The following AGBL4 variants were observed in gnomAD, a reference collection of about 807,000 sequenced individuals.
AGBL4 encodes the protein AGBL carboxypeptidase 4, also known as cytosolic carboxypeptidase 6.
Under a neutral mutation model 66.4 loss-of-function variants are expected in AGBL4, and 58 were observed. The observed-to-expected ratio is 0.87, with a 90% CI of 0.71 to 1.09. AGBL4 has a LOEUF of 1.09. Ranked by LOEUF, AGBL4 falls within the 50% of genes least tolerant of loss-of-function variation. The pLI, the probability that AGBL4 is intolerant of heterozygous loss-of-function variation, is 0.00. For missense variants in AGBL4, 579 were observed against 631.0 expected (o/e 0.92, Z 0.88); for synonymous variants, 234 against 222.9 (o/e 1.05, Z -0.44).
At chr1:48,892,154 T>C (rs1402470846) in intron 5 of AGBL4, among the ~76,000 whole-genome samples, 1 of 152,164 alleles carries the variant, frequency 6.6e-6, no homozygotes, top group Non-Finnish European at 1.5e-5. Context: ...TGGTGGTTGC[T>C]GGCAGTCTTT....
chr1:49,632,699 G>C (rs888526763), intron 3 of AGBL4, among the ~76,000 whole-genome samples: 3 of 152,202 alleles, frequency 2.0e-5, no homozygotes, highest in Admixed American at 6.5e-5. Context: ...TCTGCCACTG[G>C]TCCACATAAA....
intron 5 of AGBL4, among the ~76,000 whole-genome samples, chr1:49,033,483 G>T (rs530075822): frequency 9.2e-5 from 14 of 152,238 alleles, no homozygotes; most frequent in African/African-American, 3.4e-4. Flanking sequence ...AAGAACAGAA[G>T]GAGACTAGCT....
chr1:48,680,444 C>A (rs903181421), intron 6 of AGBL4, among the ~76,000 whole-genome samples: 2 of 151,728 alleles, frequency 1.3e-5, no homozygotes, highest in Non-Finnish European at 2.9e-5. Flanking sequence ...CAATCCCAGG[C>A]GATCAGAAAA....
intron 6 of AGBL4, among the ~76,000 whole-genome samples, chr1:48,693,803 C>T (rs113489254): frequency 2.0e-5 from 3 of 152,146 alleles, no homozygotes; most frequent in African/African-American, 4.8e-5. Context: ...GACAGCCTTC[C>T]GTGACTGCAG....
At chr1:48,653,587 G>A (rs1645969118) in intron 7 of AGBL4, 136 bp from the exon 8 acceptor site, 1 of 634,822 alleles carries the variant, frequency 1.6e-6, no homozygotes, top group Non-Finnish European at 2.8e-6. Flanking sequence ...GTGGGTGTGT[G>A]GTTATAGACT....
At chr1:48,603,834 G>A (rs542571065) in intron 9 of AGBL4, among the ~76,000 whole-genome samples, 14 of 151,634 alleles carry the variant, frequency 9.2e-5, no homozygotes, top group East Asian at 6.3e-4. Flanking sequence ...GACTGAGCGC[G>A]GTAGCTCATG....
chr1:49,657,891 A>C (rs978422520), intron 3 of AGBL4, among the ~76,000 whole-genome samples: 1 of 152,204 alleles, frequency 6.6e-6, no homozygotes. Context: ...TTAGACCTCA[A>C]ACCATGAAAA....
At chr1:49,820,333 G>C (rs1194204896) in intron 2 of AGBL4, among the ~76,000 whole-genome samples, 5 of 152,180 alleles carry the variant, frequency 3.3e-5, no homozygotes, top group Admixed American at 1.3e-4. Flanking sequence ...CCACACCCTA[G>C]CCCAAAGTCC....
intron 5 of AGBL4, among the ~76,000 whole-genome samples, chr1:48,896,081 C>T (rs1333973182): frequency 2.0e-5 from 3 of 152,112 alleles, no homozygotes; most frequent in Non-Finnish European, 4.4e-5. Flanking sequence ...GTGACACTCA[C>T]ATAATAAAAA....
chr1:49,655,914 C>G (rs140154405), intron 3 of AGBL4, among the ~76,000 whole-genome samples: 3 of 151,970 alleles, frequency 2.0e-5, no homozygotes, highest in Non-Finnish European at 4.4e-5. Flanking sequence ...TTTGGGAGGC[C>G]GAGGTGGGCA....
At chr1:49,981,993 G>A (rs1352701336) in intron 1 of AGBL4, among the ~76,000 whole-genome samples, 1 of 152,212 alleles carries the variant, frequency 6.6e-6, no homozygotes, top group Non-Finnish European at 1.5e-5. Flanking sequence ...AACTCTTGAT[G>A]TCAAAGATAC....
At chr1:50,007,892 C>T (rs1183117046) in intron 1 of AGBL4, among the ~76,000 whole-genome samples, 1 of 151,916 alleles carries the variant, frequency 6.6e-6, no homozygotes, top group African/African-American at 2.4e-5. Flanking sequence ...ATTTGTATCA[C>T]ACAAAAGAAA....
intron 3 of AGBL4, among the ~76,000 whole-genome samples, chr1:49,387,803 G>A (rs1447045188): frequency 4.0e-5 from 6 of 151,806 alleles, no homozygotes; most frequent in Admixed American, 2.6e-4. Flanking sequence ...TCTTCAGATC[G>A]TTAATGCTTT....
chr1:49,893,670 C>T (rs562226512), intron 1 of AGBL4, among the ~76,000 whole-genome samples: 1 of 152,196 alleles, frequency 6.6e-6, no homozygotes, highest in Non-Finnish European at 1.5e-5. Flanking sequence ...GGGAAGGACT[C>T]TGTCTCATGG....
At chr1:49,265,779 GAT>G (rs774937248) in intron 3 of AGBL4, among the ~76,000 whole-genome samples, 4 of 152,012 alleles carry the variant, frequency 2.6e-5, no homozygotes, top group South Asian at 2.1e-4. Context: ...ACAATTTATA[GAT>G]ATGTTTCCTA....
intron 3 of AGBL4, among the ~76,000 whole-genome samples, chr1:49,418,852 T>C (rs1212344846): frequency 6.6e-6 from 1 of 152,230 alleles, no homozygotes; most frequent in Non-Finnish European, 1.5e-5. Flanking sequence ...CCAAGTATAA[T>C]GGGAAGGCAT....
chr1:48,955,842 G>C (rs1657406240), intron 5 of AGBL4, among the ~76,000 whole-genome samples: 1 of 152,230 alleles, frequency 6.6e-6, no homozygotes, highest in Admixed American at 6.5e-5. Flanking sequence ...AGAATACTGT[G>C]AGGAATATGG....
At chr1:49,545,512 T>G (rs1394872890) in intron 3 of AGBL4, among the ~76,000 whole-genome samples, 1 of 152,210 alleles carries the variant, frequency 6.6e-6, no homozygotes, top group African/African-American at 2.4e-5. Context: ...ATATGTTGTT[T>G]AATCCGTTAA....
At chr1:49,395,577 T>C (rs1644942156) in intron 3 of AGBL4, among the ~76,000 whole-genome samples, 2 of 149,544 alleles carry the variant, frequency 1.3e-5, no homozygotes, top group African/African-American at 2.5e-5. Flanking sequence ...ATTATATATA[T>C]ACATGTGTGT....
Sources: allele counts gnomAD v4.1 joint callset (sites outside exome capture counted in the v4.1 genomes callset), GRCh38; gene constraint gnomAD v4.1.1; transcripts MANE v1.5; gene names NCBI Gene and HGNC (gene_info 2026-07-23, HGNC 2026-07-21).